Variants in STX8 observed in about 807,000 individuals in gnomAD.
STX8 encodes syntaxin 8, also known as syntaxin-8.
In STX8, 23 loss-of-function variants were observed where a neutral mutation model predicts 37.5. The ratio of observed to expected loss-of-function variants is 0.61; its 90% confidence interval spans 0.44 to 0.87. STX8 has a LOEUF of 0.87. Ranked by LOEUF, STX8 falls within the 40% of genes least tolerant of loss-of-function variation. STX8 has a pLI of 0.00. For missense variants in STX8, 313 were observed against 284.7 expected, an observed-to-expected ratio of 1.10 and a Z score of -0.71; for synonymous variants, 115 against 99.1, an observed-to-expected ratio of 1.16 and a Z score of -0.95.
intron 5 of STX8, among the ~76,000 whole-genome samples, chr17:9,496,023 C>G (rs1282847806): frequency 1.4e-5 from 2 of 144,946 alleles, no homozygotes; most frequent in Non-Finnish European, 3.0e-5. Flanking sequence ...ACTCCTGTCT[C>G]AAAAAGAAAA....
intron 7 of STX8, among the ~76,000 whole-genome samples, chr17:9,253,533 TGAG>T (rs1434883954): frequency 6.6e-6 from 1 of 151,852 alleles, no homozygotes; most frequent in East Asian, 1.9e-4. Context: ...ATAACGAGAA[TGAG>T]GAGGCAGGCA....
intron 7 of STX8, among the ~76,000 whole-genome samples, chr17:9,286,269 G>C (rs1334325157): frequency 6.6e-6 from 1 of 152,194 alleles, no homozygotes; most frequent in Non-Finnish European, 1.5e-5. Flanking sequence ...CTCCAAAAGA[G>C]AGTAGGAAGG....
intron 6 of STX8, among the ~76,000 whole-genome samples, chr17:9,445,235 T>G (rs1904797020): frequency 6.6e-6 from 1 of 151,922 alleles, no homozygotes; most frequent in Non-Finnish European, 1.5e-5. Flanking sequence ...AAAAAATGAA[T>G]ACCTATTGGC....
intron 7 of STX8, among the ~76,000 whole-genome samples, chr17:9,333,440 T>G (rs553788931): frequency 4.9e-4 from 75 of 152,310 alleles, no homozygotes; most frequent in African/African-American, 1.8e-3. Context: ...CAGGCTGGAG[T>G]GCAGTGGCAT....
rs541355105 is a variant in STX8, at chr17:9,506,838, C to T, written c.324-1676G>A. On this transcript the variant is annotated intron_variant, in intron 4 of 7. Coordinates refer to ENST00000306357, the MANE Select transcript of STX8 (RefSeq NM_004853.3). ...TGAGCCAAGTTACTACAGCATGGCG[C>T]CATCTTTAGACCACAGCTCCCTCTG... Among the ~76,000 whole-genome samples, 3 of 152,190 alleles carry T rather than the reference C, an allele frequency of 2.0e-5. No homozygotes were observed. In the South Asian group the frequency reaches 6.2e-4, roughly 32 times the overall value.
At chr17:9,387,757 T>C (rs1912068100) in intron 6 of STX8, among the ~76,000 whole-genome samples, 1 of 152,172 alleles carries the variant, frequency 6.6e-6, no homozygotes, top group Admixed American at 6.5e-5. Flanking sequence ...CCACAATACA[T>C]AATACAAAAT....
At chr17:9,503,105 C>CAAAAAAAAAAAAAAAA (rs61437085) in intron 5 of STX8, among the ~76,000 whole-genome samples, 6 of 58,578 alleles carry the variant, frequency 1.0e-4, no homozygotes, top group African/African-American at 3.8e-4. Context: ...GACTCTGTCT[C>CAAAAAAAAAAAAAAAA]AAAAAAAAAA....
chr17:9,348,445 G>C (rs1046327636), intron 7 of STX8, among the ~76,000 whole-genome samples: 4 of 124,236 alleles, frequency 3.2e-5, no homozygotes, highest in Admixed American at 3.1e-4. Context: ...AAAGAATATG[G>C]GAACCAATGT....
At chr17:9,472,340 T>C (rs1905907072) in intron 6 of STX8, among the ~76,000 whole-genome samples, 1 of 152,212 alleles carries the variant, frequency 6.6e-6, no homozygotes, top group Non-Finnish European at 1.5e-5. Context: ...GTACTGCTAG[T>C]ATTCACTTGG....
At chr17:9,453,996 G>C (rs1051263158) in intron 6 of STX8, among the ~76,000 whole-genome samples, 13 of 152,258 alleles carry the variant, frequency 8.5e-5, no homozygotes, top group South Asian at 2.1e-4. Flanking sequence ...TCAGACACTG[G>C]TGCAAAGGAA....
chr17:9,323,951 G>A (rs1053304419), intron 7 of STX8, among the ~76,000 whole-genome samples: 5 of 152,136 alleles, frequency 3.3e-5, no homozygotes, highest in Admixed American at 6.6e-5. Flanking sequence ...TGGGGGAATG[G>A]GACACAGGCG....
intron 4 of STX8, among the ~76,000 whole-genome samples, chr17:9,539,927 G>A (rs774379170): frequency 2.0e-5 from 3 of 152,120 alleles, no homozygotes; most frequent in Non-Finnish European, 2.9e-5. Flanking sequence ...CAATCAGGAG[G>A]GAAGGGGATA....
chr17:9,430,182 A>G (rs1345390406), intron 6 of STX8, among the ~76,000 whole-genome samples: 1 of 110,902 alleles, frequency 9.0e-6, no homozygotes, highest in Non-Finnish European at 1.6e-5. Context: ...ATTTATATAT[A>G]AATAAAATAT....
intron 6 of STX8, among the ~76,000 whole-genome samples, chr17:9,462,367 T>C (rs1905425394): frequency 6.6e-6 from 1 of 152,176 alleles, no homozygotes; most frequent in Non-Finnish European, 1.5e-5. Flanking sequence ...GCAGAGATCA[T>C]TTGTGACTAA....
At chr17:9,443,204 G>C (rs1904726056) in intron 6 of STX8, among the ~76,000 whole-genome samples, 1 of 152,112 alleles carries the variant, frequency 6.6e-6, no homozygotes, top group Non-Finnish European at 1.5e-5. Flanking sequence ...ATATCCAAAA[G>C]GGCAACCACC....
chr17:9,496,680 CG>C, intron 5 of STX8, among the ~76,000 whole-genome samples: 1 of 152,212 alleles, frequency 6.6e-6, no homozygotes, highest in East Asian at 1.9e-4. Flanking sequence ...AAATCTGAGA[CG>C]GGGGATTAGC....
rs61437085 is a variant in STX8, at chr17:9,503,105, C to CAAAAAAAAAAAAAAAAA, written c.448+1916_448+1932dup. ...TAGGCAGCAAAGCCAGACTCTGTCT[C>CAAAAAAAAAAAAAAAAA]AAAAAAAAAAAAAAAAAAAAAAGAG... On this transcript the variant is annotated intron_variant, in intron 5 of 7. Coordinates refer to ENST00000306357, the MANE Select transcript of STX8 (RefSeq NM_004853.3). 8.5e-5 allele frequency among the ~76,000 whole-genome samples: 5 copies of CAAAAAAAAAAAAAAAAA among 58,578 alleles called. 1 individual carries two copies. The highest frequency in any genetic ancestry group is 3.8e-4 in the African/African-American group (5 of 13,230). The allele number at this position is 58,578 out of a possible 152,430, so 38.4% of individuals were successfully genotyped here. A position where few individuals can be genotyped will look rare whatever the true frequency, so the allele number is the denominator to read the frequency against.
intron 7 of STX8, among the ~76,000 whole-genome samples, chr17:9,288,574 A>C (rs1908184033): frequency 6.6e-6 from 1 of 152,102 alleles, no homozygotes; most frequent in Non-Finnish European, 1.5e-5. Flanking sequence ...AGGCAGGAGA[A>C]TGCCGTGAAC....
intron 7 of STX8, among the ~76,000 whole-genome samples, chr17:9,296,130 C>G (rs1173565696): frequency 6.6e-6 from 1 of 152,100 alleles, no homozygotes; most frequent in Non-Finnish European, 1.5e-5. Context: ...GCGGAGATTG[C>G]AGTGAGCCGA....
Sources: allele counts gnomAD v4.1 joint callset (sites outside exome capture counted in the v4.1 genomes callset), GRCh38; gene constraint gnomAD v4.1.1; transcripts MANE v1.5; gene names NCBI Gene and HGNC (gene_info 2026-07-23, HGNC 2026-07-21).